Variants in EDARADD observed in about 807,000 individuals in gnomAD.
EDARADD encodes the protein EDAR associated via death domain.
In EDARADD, 20 loss-of-function variants were observed where a neutral mutation model predicts 25.6. The ratio of observed to expected loss-of-function variants is 0.78; its 90% CI spans 0.55 to 1.14. The LOEUF is 1.14. EDARADD is among the 50% of genes most tolerant of loss of function. The pLI is 0.00. For synonymous variants in EDARADD, 86 were observed against 94.4 expected, an observed-to-expected ratio of 0.91 and a Z score of 0.52; for missense variants, 225 against 270.1, an observed-to-expected ratio of 0.83 and a Z score of 1.17.
chr1:236,395,705 G>T lies in EDARADD; in HGVS notation c.61+1200G>T. 5 of 1,534,094 alleles carry T rather than the reference G, an allele frequency of 3.3e-6. No individual in the cohort carries two copies. The highest frequency in any genetic ancestry group is 4.4e-6 in the Non-Finnish European group (5 of 1,145,554). ...CGCCCGCTCCTGGAGCGAGCACCGC[G>T]GGGCGGGAGCTCGGGAGGCGCTCGC... On this transcript the variant is annotated intron_variant, in intron 1 of 5. Transcript: ENST00000334232. This position sits in a 1 kb window ranked among gnomAD's most constrained non-coding sequence, Gnocchi z 6.9.
intron 3 of EDARADD, among the ~76,000 whole-genome samples, chr1:236,353,102 C>T (rs1417562467): frequency 1.3e-5 from 2 of 152,190 alleles, no homozygotes; most frequent in East Asian, 1.9e-4. Flanking sequence ...CCTCATGGCT[C>T]ATCCTTTCTT....
intron 4 of EDARADD, among the ~76,000 whole-genome samples, chr1:236,458,002 G>A (rs1415309190): frequency 6.6e-6 from 1 of 152,172 alleles, no homozygotes; most frequent in Non-Finnish European, 1.5e-5. Context: ...GCAGTGCTCT[G>A]CTGGCTGCAA....
intron 5 of EDARADD, among the ~76,000 whole-genome samples, chr1:236,476,106 C>T (rs1030475504): frequency 6.6e-6 from 1 of 152,064 alleles, no homozygotes; most frequent in Non-Finnish European, 1.5e-5. Flanking sequence ...GCAGGAGAAT[C>T]GCTGGAACCT....
rs1232906735 is a variant in EDARADD at position 236,398,422 on chromosome 1, T to G, written c.61+3917T>G. Among the ~76,000 whole-genome samples, 2 of 152,210 alleles carry G rather than the reference T, an allele frequency of 1.3e-5. No homozygotes were observed. Among genetic ancestry groups the G allele is most frequent in the African/African-American group, 4.8e-5 (2 of 41,446 alleles). ...AGTCGTCTTTTAAAAACAAATCGGA[T>G]TCTGCCATTTGTCTGTGCTGGCTTT... On this transcript the variant is annotated intron_variant, in intron 1 of 5. Coordinates refer to ENST00000334232, the MANE Select transcript of EDARADD (RefSeq NM_145861.4). This position sits in a 1 kb window ranked among gnomAD's most constrained non-coding sequence, Gnocchi z 4.1.
intron 5 of EDARADD, among the ~76,000 whole-genome samples, chr1:236,473,393 C>T (rs1659406987): frequency 6.6e-6 from 1 of 152,152 alleles, no homozygotes; most frequent in Non-Finnish European, 1.5e-5. Flanking sequence ...CTGGACTGAG[C>T]TCAGTGTTCT....
At chr1:236,419,326 C>A (rs1027970275) in intron 3 of EDARADD, among the ~76,000 whole-genome samples, 3 of 152,040 alleles carry the variant, frequency 2.0e-5, no homozygotes, top group African/African-American at 4.8e-5. Flanking sequence ...CCTGGGAGTT[C>A]GAGGCTGCAG....
chr1:236,413,682 G>C (rs774367211), intron 2 of EDARADD, among the ~76,000 whole-genome samples: 1 of 152,190 alleles, frequency 6.6e-6, no homozygotes, highest in Non-Finnish European at 1.5e-5. Context: ...GTGATTGTGA[G>C]AACATTTGCT....
chr1:236,450,077 G>C (rs1275624900), intron 4 of EDARADD, among the ~76,000 whole-genome samples: 2 of 149,916 alleles, frequency 1.3e-5, no homozygotes, highest in African/African-American at 4.9e-5. Context: ...CTCCAGCCTG[G>C]GTGACAGAAC....
chr1:236,469,173 T>C, intron 5 of EDARADD, among the ~76,000 whole-genome samples: 1 of 152,074 alleles, frequency 6.6e-6, no homozygotes, highest in East Asian at 1.9e-4. Context: ...GGAGTAAGCA[T>C]TAAAATAAGC....
At chr1:236,358,174 A>G (rs1025533524) in intron 3 of EDARADD, among the ~76,000 whole-genome samples, 2 of 152,286 alleles carry the variant, frequency 1.3e-5, no homozygotes, top group Admixed American at 6.5e-5. Flanking sequence ...CCTGGCCACA[A>G]GGAAAGTAAC....
At position 236,368,729 on chromosome 1, in the gene EDARADD, C is replaced by T. The variant is rs979121905; in HGVS notation, c.-6+17890C>T. ...TGCTTGGATTACAGGCGTGAGCCAC[C>T]GCATGCGGCTTTTATCCAGTCATTC... On this transcript the variant is annotated intron_variant, in intron 3 of 7. Coordinates refer to the EDARADD transcript ENST00000439430. Among the ~76,000 whole-genome samples the T allele has an allele frequency of 5.9e-5, 9 of 151,996 alleles. 1 individual carries two copies. The highest frequency in any genetic ancestry group is 2.6e-4 in the Admixed American group (4 of 15,248).
chr1:236,352,710 TGGTGGTGGGCACCTGTA>T (rs751131495), intron 3 of EDARADD, among the ~76,000 whole-genome samples: 18 of 152,094 alleles, frequency 1.2e-4, no homozygotes, highest in Non-Finnish European at 2.4e-4. Context: ...TAGCCGGGCG[TGGTGGTGGGCACCTGTA>T]ATCCCAGCTA....
At chr1:236,411,005 T>C (rs1443446024) in intron 2 of EDARADD, among the ~76,000 whole-genome samples, 3 of 152,208 alleles carry the variant, frequency 2.0e-5, no homozygotes, top group African/African-American at 7.2e-5. Context: ...CTTTGGTTTC[T>C]ATAAAGTGTT....
chr1:236,363,032 T>TATATATATATATATATATATAA (rs1377522241), intron 3 of EDARADD, among the ~76,000 whole-genome samples: 1 of 109,988 alleles, frequency 9.1e-6, no homozygotes, highest in Non-Finnish European at 1.8e-5. Context: ...TATATATATA[T>TATATATATATATATATATATAA]AAAATTTGTG....
At chr1:236,464,664 C>T (rs1571952099) in intron 4 of EDARADD, among the ~76,000 whole-genome samples, 1 of 151,958 alleles carries the variant, frequency 6.6e-6, no homozygotes, top group Admixed American at 6.6e-5. Flanking sequence ...AACTCCTGAC[C>T]TCGGGCGATT....
intron 1 of EDARADD, among the ~76,000 whole-genome samples, chr1:236,405,606 G>A (rs1667693012): frequency 6.6e-6 from 1 of 152,144 alleles, no homozygotes; most frequent in Non-Finnish European, 1.5e-5. Context: ...TCTTAGTGAT[G>A]TGCCACTGAG....
At chr1:236,467,045 G>C (rs1057011698) in intron 4 of EDARADD, among the ~76,000 whole-genome samples, 1 of 150,976 alleles carries the variant, frequency 6.6e-6, no homozygotes, top group Non-Finnish European at 1.5e-5. Context: ...CAGCCTGGGC[G>C]ACAGAGCAAG....
In EDARADD at chr1:236,424,154, CTTTTTTTTTT is replaced by C. The variant is rs34454343; in HGVS notation, c.161-3223_161-3214del. On this transcript the variant is annotated intron_variant, in intron 3 of 5. Transcript: ENST00000334232. ...ATTGTAGTAATCCACTGTGAAGCAT[CTTTTTTTTTT>C]TTTTTTTTTTTTTTGGAACAGGACG... Among the ~76,000 whole-genome samples the C allele has an allele frequency of 2.4e-3, 181 of 74,424 alleles. 3 individuals carry two copies. The highest frequency in any genetic ancestry group is 7.8e-3 in the African/African-American group (157 of 20,128). 48.8% of individuals were successfully genotyped at this position (74,424 alleles called of 152,430 possible). A position where few individuals can be genotyped will look rare whatever the true frequency, so the allele number is the denominator to read the frequency against.
At chr1:236,477,243 C>T (rs924835477) in intron 5 of EDARADD, among the ~76,000 whole-genome samples, 7 of 152,012 alleles carry the variant, frequency 4.6e-5, no homozygotes, top group South Asian at 2.1e-4. Context: ...TGGCCGGGCA[C>T]GGTGGCTCAC....
Sources: allele counts gnomAD v4.1 joint callset (sites outside exome capture counted in the v4.1 genomes callset), GRCh38; gene constraint gnomAD v4.1.1; non-coding constraint Gnocchi (gnomAD v3.1); transcripts MANE v1.5; gene names NCBI Gene and HGNC (gene_info 2026-07-23, HGNC 2026-07-21).